The following TDRD3 variants were observed in gnomAD, a reference collection of about 807,000 sequenced individuals.
The protein encoded by TDRD3 is tudor domain-containing protein 3.
In TDRD3, 45 loss-of-function variants were observed where a neutral mutation model predicts 86.7. That is an observed-to-expected ratio of 0.52 (90% CI 0.41 to 0.67). The LOEUF (loss-of-function observed/expected upper bound fraction) is 0.67, where lower values mean the gene tolerates loss of function less well. Ranked by LOEUF, TDRD3 falls within the 30% of genes least tolerant of loss-of-function variation. The probability of loss-of-function intolerance (pLI) is 0.00; values close to 1 mark genes in which losing one functional copy is unlikely to be tolerated. For synonymous variants in TDRD3, 298 were observed against 301.7 expected, an observed-to-expected ratio of 0.99 and a Z score of 0.13; for missense variants, 814 against 889.0, an observed-to-expected ratio of 0.92 and a Z score of 1.07.
intron 1 of TDRD3, among the ~76,000 whole-genome samples, chr13:60,401,759 T>A (rs2137794338): frequency 6.6e-6 from 1 of 152,288 alleles, no homozygotes; most frequent in Non-Finnish European, 1.5e-5. Flanking sequence ...AATTTCACTT[T>A]CCCCTTTGGG....
intron 10 of TDRD3, among the ~76,000 whole-genome samples, chr13:60,525,097 A>AC (rs1566271637): frequency 6.7e-5 from 10 of 149,486 alleles, no homozygotes; most frequent in African/African-American, 2.4e-4. Context: ...AAAAAAAAAA[A>AC]AAAAAAAAAA....
At chr13:60,433,151 C>A (rs1954996893) in intron 1 of TDRD3, among the ~76,000 whole-genome samples, 1 of 152,068 alleles carries the variant, frequency 6.6e-6, no homozygotes, top group East Asian at 1.9e-4. Flanking sequence ...TGCAATAATT[C>A]TGTATTTTAT....
At chr13:60,446,653 G>A (rs908196381) in intron 3 of TDRD3, among the ~76,000 whole-genome samples, 1 of 151,964 alleles carries the variant, frequency 6.6e-6, no homozygotes, top group Non-Finnish European at 1.5e-5. Context: ...TTAGAAGCTG[G>A]CACACAGAAA....
At chr13:60,426,736 T>C (rs896414815) in intron 1 of TDRD3, among the ~76,000 whole-genome samples, 14 of 152,324 alleles carry the variant, frequency 9.2e-5, no homozygotes, top group African/African-American at 3.4e-4. Context: ...AAGGGACAAA[T>C]GGTTTCACAG....
chr13:60,425,343 T>A (rs1198996195), intron 1 of TDRD3, among the ~76,000 whole-genome samples: 1 of 151,992 alleles, frequency 6.6e-6, no homozygotes, highest in African/African-American at 2.4e-5. Context: ...ATGGCTATTA[T>A]CAAAAAAGAT....
intron 3 of TDRD3, among the ~76,000 whole-genome samples, chr13:60,454,727 G>T (rs1214397199): frequency 6.6e-6 from 1 of 151,916 alleles, no homozygotes; most frequent in Non-Finnish European, 1.5e-5. Flanking sequence ...CCCAAATTGG[G>T]GTTCACCCTA....
At chr13:60,455,210 G>A (rs1031817171) in intron 3 of TDRD3, among the ~76,000 whole-genome samples, 1 of 152,144 alleles carries the variant, frequency 6.6e-6, no homozygotes, top group African/African-American at 2.4e-5. Context: ...ACCACACCTG[G>A]CTTATATTTA....
intron 1 of TDRD3, among the ~76,000 whole-genome samples, chr13:60,414,725 A>C (rs1271182528): frequency 4.6e-5 from 7 of 152,074 alleles, no homozygotes; most frequent in Non-Finnish European, 1.5e-5. Context: ...CTTTTTGTCA[A>C]ATACAGAGTT....
chr13:60,566,263 C>CT (rs917757095), intron 12 of TDRD3, among the ~76,000 whole-genome samples: 127 of 143,468 alleles, frequency 8.9e-4, no homozygotes, highest in East Asian at 1.4e-3. Flanking sequence ...AATAATAGTT[C>CT]TTTTTTTTTT....
intron 1 of TDRD3, among the ~76,000 whole-genome samples, chr13:60,430,128 A>G (rs778698732): frequency 6.6e-5 from 10 of 152,122 alleles, no homozygotes; most frequent in South Asian, 2.1e-4. Context: ...TAAGGCTGAG[A>G]TTTTCATCTA....
chr13:60,491,308 A>G (rs958818463), intron 7 of TDRD3, among the ~76,000 whole-genome samples: 1 of 152,158 alleles, frequency 6.6e-6, no homozygotes, highest in African/African-American at 2.4e-5. Flanking sequence ...ATAATGTTTA[A>G]TAGACAGTAA....
intron 4 of TDRD3, among the ~76,000 whole-genome samples, chr13:60,464,555 T>G (rs1276745834): frequency 6.6e-6 from 1 of 152,094 alleles, no homozygotes; most frequent in African/African-American, 2.4e-5. Flanking sequence ...TGTATGTATA[T>G]GTGTGTGTAT....
At chr13:60,550,849 TTATTGAAC>T (rs939134369) in intron 12 of TDRD3, among the ~76,000 whole-genome samples, 12 of 152,270 alleles carry the variant, frequency 7.9e-5, no homozygotes, top group African/African-American at 2.9e-4. Flanking sequence ...ATAGCTCACT[TTATTGAAC>T]TATTGAACAC....
At chr13:60,403,215 G>A (rs1164795211) in intron 1 of TDRD3, among the ~76,000 whole-genome samples, 5 of 151,856 alleles carry the variant, frequency 3.3e-5, no homozygotes, top group African/African-American at 9.7e-5. Flanking sequence ...CATAAAGGGG[G>A]TATAAAAAGA....
chr13:60,487,757 C>G (rs1037888651), intron 7 of TDRD3, among the ~76,000 whole-genome samples: 2 of 152,188 alleles, frequency 1.3e-5, no homozygotes, highest in African/African-American at 4.8e-5. Context: ...CTTTGACCCA[C>G]TGCTTTCCTT....
rs555152639 is a variant in TDRD3, at chr13:60,484,409, G to A, written c.567+563G>A. ...CCTGATGATGCCATCAAAATTTAGC[G>A]GTTGGTAATCTGTCTTGCATTTGCT... On this transcript the variant is annotated intron_variant, in intron 6 of 13. Transcript: ENST00000377881. 4.6e-5 allele frequency among the ~76,000 whole-genome samples: 7 copies of A among 152,178 alleles called. 1 individual carries two copies. The South Asian group carries it at 8.3e-4, about 18-fold the overall frequency.
chr13:60,469,081 A>T lies in TDRD3; in HGVS notation c.495+1702A>T, dbSNP rs180973183. On this transcript the variant is annotated intron_variant, in intron 5 of 13. Coordinates refer to ENST00000377881, the MANE Select transcript of TDRD3 (RefSeq NM_001146070.2). ...TTAGTACTAATTTCTTATGATACTAATGTGCTGTGATTTGGGTTGCTGTAC... is the reference window on the plus strand; with the variant it reads ...TTAGTACTAATTTCTTATGATACTATTGTGCTGTGATTTGGGTTGCTGTAC... Among the ~76,000 whole-genome samples the T allele has an allele frequency of 2.1e-3, 324 of 152,266 alleles. 3 individuals carry two copies. The highest frequency in any genetic ancestry group is 7.4e-3 in the African/African-American group (306 of 41,568).
chr13:60,410,614 G>A (rs1954340885), intron 1 of TDRD3, among the ~76,000 whole-genome samples: 1 of 152,166 alleles, frequency 6.6e-6, no homozygotes, highest in African/African-American at 2.4e-5. Flanking sequence ...TAGGCTGCCT[G>A]CTGATTCCCT....
Position 60,460,371 on chromosome 13 carries a change from T to C in TDRD3, c.193-9T>C. ...AGAAAGTGATTTTTATTCTTTTCTG[T>C]TTTGACAGCTCGAAGGTCCATGTGT... On this transcript the variant is annotated splice_polypyrimidine_tract_variant and intron_variant, in intron 3 of 13. Coordinates refer to ENST00000377881, the MANE Select transcript of TDRD3 (RefSeq NM_001146070.2). The C allele has an allele frequency of 6.3e-7, 1 of 1,588,364 alleles. No individual in the cohort carries two copies. The highest frequency in any genetic ancestry group is 8.5e-7 in the Non-Finnish European group (1 of 1,171,592).
Sources: allele counts gnomAD v4.1 joint callset (sites outside exome capture counted in the v4.1 genomes callset), GRCh38; gene constraint gnomAD v4.1.1; transcripts MANE v1.5; gene names NCBI Gene and HGNC (gene_info 2026-07-23, HGNC 2026-07-21).